UPF2: variants seen among roughly 807,000 people sequenced by gnomAD.
The protein encoded by UPF2 is regulator of nonsense transcripts 2.
UPF2 carries 17 observed loss-of-function variants against 141.4 expected under a neutral mutation model. That is an observed-to-expected ratio of 0.12 (90% CI 0.08 to 0.18). The LOEUF is 0.18. Among genes scored for constraint, UPF2 ranks in the 10% least tolerant of loss-of-function variants. UPF2 has a pLI of 1.00. For missense variants in UPF2, 1,152 were observed against 1,515.9 expected, an observed-to-expected ratio of 0.76 and a Z score of 3.99; for synonymous variants, 540 against 498.0, an observed-to-expected ratio of 1.08 and a Z score of -1.12.
chr10:11,997,231 C>T (rs900830778), intron 8 of UPF2, among the ~76,000 whole-genome samples: 2 of 152,160 alleles, frequency 1.3e-5, no homozygotes, highest in Non-Finnish European at 2.9e-5. Flanking sequence ...GGCAGGCTAT[C>T]ATACCTCTTA....
At chr10:11,967,502 T>G in intron 9 of UPF2, 48 bp from the exon 10 acceptor site, 1 of 1,152,294 alleles carries the variant, frequency 8.7e-7, no homozygotes, top group Non-Finnish European at 1.2e-6. Context: ...ATTTTGAATC[T>G]CTGTGATAAA....
intron 18 of UPF2, among the ~76,000 whole-genome samples, chr10:11,941,911 T>C (rs1214669855): frequency 6.6e-6 from 1 of 152,216 alleles, no homozygotes; most frequent in East Asian, 1.9e-4. Flanking sequence ...ATGTTATGAA[T>C]ACATTAAACA....
rs1476675408 is a variant in UPF2 at position 11,935,553 on chromosome 10, A to G, written c.3546+992T>C. Among the ~76,000 whole-genome samples the G allele has an allele frequency of 6.6e-6, 1 of 152,200 alleles. No homozygotes were observed. Among genetic ancestry groups the G allele is most frequent in the Admixed American group, 6.5e-5 (1 of 15,268 alleles). The stretch of plus-strand genomic sequence containing the variant: ...AGGATTTCATGGACTCTAAGAAGCA[A>G]CTTGATCTCAGAAATGTTAAGATGT... On this transcript the variant is annotated intron_variant, in intron 19 of 21. Coordinates refer to ENST00000357604, the MANE Select transcript of UPF2 (RefSeq NM_015542.4). This position sits in a 1 kb window ranked among gnomAD's most constrained non-coding sequence, Gnocchi z 4.9.
In UPF2 at chr10:11,921,447, T is replaced by TC; in HGVS notation, c.3810-141dup. 1 of 879,112 alleles carries TC rather than the reference T, an allele frequency of 1.1e-6. No individual in the cohort carries two copies. The highest frequency in any genetic ancestry group is 2.4e-5 in the East Asian group (1 of 41,174). The allele number at this position is 879,112 out of a possible 1,614,324, so 54.5% of individuals were successfully genotyped here. On this transcript the variant is annotated intron_variant, in intron 21 of 21. Coordinates refer to ENST00000357604, the MANE Select transcript of UPF2 (RefSeq NM_015542.4). This position sits in a 1 kb window ranked among gnomAD's most constrained non-coding sequence, Gnocchi z 5.9. The stretch of plus-strand genomic sequence containing the variant: ...GGCCCTGGCATCTGCGGGTTCCACA[T>TC]CCATGGACCAAAAATATTCGGGGGA...
intron 16 of UPF2, among the ~76,000 whole-genome samples, chr10:11,943,370 C>G (rs565819906): frequency 1.3e-5 from 2 of 152,302 alleles, no homozygotes; most frequent in African/African-American, 4.8e-5. Flanking sequence ...CATCTCACTA[C>G]CTTCAACTGA....
chr10:11,999,669 A>C (rs572651598), intron 7 of UPF2, among the ~76,000 whole-genome samples: 1 of 152,352 alleles, frequency 6.6e-6, no homozygotes, highest in South Asian at 2.1e-4. Context: ...AATATTTTCC[A>C]AACTATGGGA....
Position 11,958,198 on chromosome 10 carries a change from AT to A in UPF2, c.2370+972del, listed in dbSNP as rs991585870. On this transcript the variant is annotated intron_variant, in intron 12 of 21. Transcript: ENST00000357604. Reference sequence around the variant, plus strand: ...CAAGACCCCATCTCTATTACATTAAATTTTTTTAAAAAGTTAGCAATTACTA... The same window carrying A: ...CAAGACCCCATCTCTATTACATTAAATTTTTTAAAAAGTTAGCAATTACTA... Among the ~76,000 whole-genome samples, 17 of 152,140 alleles carry A rather than the reference AT, an allele frequency of 1.1e-4. 1 individual carries two copies. Among genetic ancestry groups the A allele is most frequent in the African/African-American group, 3.9e-4 (16 of 41,430 alleles).
At chr10:11,981,706 A>G (rs976020427) in intron 8 of UPF2, among the ~76,000 whole-genome samples, 1 of 151,766 alleles carries the variant, frequency 6.6e-6, no homozygotes, top group Non-Finnish European at 1.5e-5. Flanking sequence ...TCTGAGACGG[A>G]GTCTCGCTCT....
chr10:12,007,995 A>C (rs1834063915), intron 4 of UPF2, among the ~76,000 whole-genome samples: 1 of 150,810 alleles, frequency 6.6e-6, no homozygotes, highest in African/African-American at 2.4e-5. Context: ...CAATTGTCTC[A>C]CTTCAGTCTC....
chr10:11,943,230 C>T, intron 16 of UPF2, 62 bp from the exon 17 acceptor site: 1 of 1,302,700 alleles, frequency 7.7e-7, no homozygotes, highest in Admixed American at 2.0e-5. Flanking sequence ...ATTTTACATG[C>T]CTTAAAAAGA....
At chr10:12,034,014 G>T (rs112244219) in intron 2 of UPF2, among the ~76,000 whole-genome samples, 15 of 152,294 alleles carry the variant, frequency 9.8e-5, no homozygotes, top group African/African-American at 3.4e-4. Flanking sequence ...AGAATGGAAG[G>T]CATTGTGGAA....
At chr10:11,947,168 C>T (rs1833011526) in intron 16 of UPF2, among the ~76,000 whole-genome samples, 2 of 152,212 alleles carry the variant, frequency 1.3e-5, no homozygotes, top group South Asian at 4.1e-4. Context: ...TGCCACTGCA[C>T]TCCAGCATGG....
intron 3 of UPF2, among the ~76,000 whole-genome samples, chr10:12,022,256 C>CA (rs1224972089): frequency 6.6e-6 from 1 of 150,780 alleles, no homozygotes; most frequent in East Asian, 2.0e-4. Flanking sequence ...TTCTAAAACA[C>CA]AAAAAATTAG....
chr10:12,035,561 G>A (rs1297190680), intron 1 of UPF2, 120 bp from the exon 2 acceptor site: 15 of 1,114,572 alleles, frequency 1.3e-5, no homozygotes, highest in South Asian at 2.2e-5. Flanking sequence ...GTAAATAAAG[G>A]CAGGTAAAAT....
intron 18 of UPF2, among the ~76,000 whole-genome samples, chr10:11,937,829 G>T (rs1832873382): frequency 6.6e-6 from 1 of 152,070 alleles, no homozygotes; most frequent in Non-Finnish European, 1.5e-5. Flanking sequence ...TTAAGCTCTA[G>T]TTTATCATAA....
chr10:11,942,700 G>C lies in UPF2; in HGVS notation c.3343C>G (p.Gln1115Glu). 1 of 1,614,006 alleles carries C rather than the reference G, an allele frequency of 6.2e-7. No individual in the cohort carries two copies. Among genetic ancestry groups the C allele is most frequent in the Non-Finnish European group, 8.5e-7 (1 of 1,179,958 alleles). The change falls in exon 18 of 22, where the codon CAA (glutamine) becomes GAA (glutamate). Residue 1115 changes from glutamine (Q) to glutamate (E), a missense_variant. Physicochemically the swap from Gln to Glu is conservative, Grantham distance 29. This residue lies in a region of UPF2 where 202 missense variants were observed against 223.6 expected (regional missense o/e 0.90). Coordinates refer to ENST00000357604, the MANE Select transcript of UPF2 (RefSeq NM_015542.4). ...VPCVEDEDFIQALDKMMLENL... is the reference protein window; with the variant it reads ...VPCVEDEDFIEALDKMMLENL... ...TCTAGCATCATTTTATCCAGAGCTT[G>C]AATGAAGTCCTCATCTTCTACACAA...
chr10:12,003,757 C>T (rs1833989689), intron 5 of UPF2, among the ~76,000 whole-genome samples: 1 of 151,950 alleles, frequency 6.6e-6, no homozygotes. Context: ...GAAACCCCAT[C>T]TCTACTAAAA....
rs1468760805 is a variant in UPF2 at position 11,939,670 on chromosome 10, A to T, written c.3379-2958T>A. ...GCTGGGATTACAGGCGCCTGCCACC[A>T]TGCCTGGCTAATTTTTTTGTATTTT... On this transcript the variant is annotated intron_variant, in intron 18 of 21. Coordinates refer to ENST00000357604, the MANE Select transcript of UPF2 (RefSeq NM_015542.4). This position sits in a 1 kb window ranked among gnomAD's most constrained non-coding sequence, Gnocchi z 4.8. 1.3e-5 allele frequency among the ~76,000 whole-genome samples: 2 copies of T among 152,034 alleles called. No homozygotes were observed. The highest frequency in any genetic ancestry group is 4.8e-5 in the African/African-American group (2 of 41,478).
At chr10:11,938,960 C>T (rs1048209437) in intron 18 of UPF2, among the ~76,000 whole-genome samples, 1 of 143,376 alleles carries the variant, frequency 7.0e-6, no homozygotes, top group African/African-American at 2.6e-5. Flanking sequence ...GAAACCTCTG[C>T]CTCCTGGGTT....
Sources: allele counts gnomAD v4.1 joint callset (sites outside exome capture counted in the v4.1 genomes callset), GRCh38; gene constraint gnomAD v4.1.1; regional missense constraint gnomAD v4.1.1; non-coding constraint Gnocchi (gnomAD v3.1); transcripts MANE v1.5; gene names NCBI Gene and HGNC (gene_info 2026-07-23, HGNC 2026-07-21).